The following ZNF438 variants were observed in gnomAD, a reference collection of about 807,000 sequenced individuals.
ZNF438 encodes zinc finger protein 438.
A neutral mutation model predicts 38.0 loss-of-function variants in ZNF438; 25 were observed. That is an observed-to-expected ratio of 0.66 (90% CI 0.48 to 0.92). The LOEUF is 0.92. Ranked by LOEUF, ZNF438 falls within the 40% of genes least tolerant of loss-of-function variation. The probability of loss-of-function intolerance (pLI) is 0.00; values close to 1 mark genes in which losing one functional copy is unlikely to be tolerated. For synonymous variants in ZNF438, 372 were observed against 364.1 expected, an observed-to-expected ratio of 1.02 and a Z score of -0.25; for missense variants, 1,007 against 999.6, an observed-to-expected ratio of 1.01 and a Z score of -0.10.
intron 4 of ZNF438, among the ~76,000 whole-genome samples, chr10:30,864,465 T>A (rs1310308126): frequency 6.6e-6 from 1 of 152,186 alleles, no homozygotes; most frequent in Non-Finnish European, 1.5e-5. Context: ...ATTTTCTTTT[T>A]CTGCTTCACT....
At chr10:30,980,834 T>C (rs1489382100) in intron 1 of ZNF438, among the ~76,000 whole-genome samples, 3 of 152,196 alleles carry the variant, frequency 2.0e-5, no homozygotes, top group Admixed American at 6.5e-5. Context: ...TTATGACTCT[T>C]CCTCAAAAAG....
chr10:30,929,485 G>A (rs2934646), intron 2 of ZNF438, among the ~76,000 whole-genome samples: 19,413 of 152,276 alleles, frequency 0.13, 1,629 homozygotes, highest in Middle Eastern at 0.24. Flanking sequence ...GCAGATCTTC[G>A]CGGTGATTGT....
chr10:30,954,844 A>T (rs144392853), intron 1 of ZNF438, among the ~76,000 whole-genome samples: 5 of 152,194 alleles, frequency 3.3e-5, no homozygotes, highest in African/African-American at 1.2e-4. Flanking sequence ...TCAAATTTCT[A>T]CAGGCAGAAA....
At chr10:30,854,814 C>T (rs2034338650) in intron 4 of ZNF438, among the ~76,000 whole-genome samples, 1 of 151,930 alleles carries the variant, frequency 6.6e-6, no homozygotes, top group Non-Finnish European at 1.5e-5. Flanking sequence ...GACAGAGGAA[C>T]AATAGAAAGG....
At chr10:30,846,611 T>A (rs1248792199) in intron 5 of ZNF438, among the ~76,000 whole-genome samples, 1 of 152,168 alleles carries the variant, frequency 6.6e-6, no homozygotes, top group Admixed American at 6.5e-5. Flanking sequence ...CCTTTCCAAG[T>A]TGACGGTGTG....
intron 1 of ZNF438, among the ~76,000 whole-genome samples, chr10:31,010,266 G>A (rs1399919828): frequency 6.6e-6 from 1 of 152,264 alleles, no homozygotes; most frequent in East Asian, 1.9e-4. Context: ...TGATGATTCA[G>A]AGACCAACCC....
intron 1 of ZNF438, among the ~76,000 whole-genome samples, chr10:30,983,440 G>A (rs980742809): frequency 2.0e-5 from 3 of 152,118 alleles, no homozygotes; most frequent in Non-Finnish European, 4.4e-5. Context: ...GAAGGGGGAG[G>A]TGTTACACAC....
intron 1 of ZNF438, among the ~76,000 whole-genome samples, chr10:30,947,842 C>G (rs2047623900): frequency 6.6e-6 from 1 of 152,242 alleles, no homozygotes; most frequent in Non-Finnish European, 1.5e-5. Context: ...TCCCTGACCC[C>G]TTGCGCTTCC....
At chr10:30,960,479 T>C (rs2049342659) in intron 1 of ZNF438, among the ~76,000 whole-genome samples, 1 of 147,216 alleles carries the variant, frequency 6.8e-6, no homozygotes, top group Non-Finnish European at 1.5e-5. Context: ...AATTTTTGTA[T>C]ATGATATCCA....
chr10:30,954,527 T>C (rs73252663), intron 1 of ZNF438, among the ~76,000 whole-genome samples: 1,861 of 152,316 alleles, frequency 0.012, 43 homozygotes, highest in African/African-American at 0.041. Context: ...GTTCTAAGAA[T>C]CTTAAGAGTA....
intron 1 of ZNF438, among the ~76,000 whole-genome samples, chr10:30,976,525 T>G (rs903681466): frequency 2.0e-5 from 3 of 152,152 alleles, no homozygotes; most frequent in Admixed American, 1.3e-4. Flanking sequence ...AAGGATCGCT[T>G]GAGGCCAGAA....
chr10:30,849,518 G>C, exon 5 of ZNF438: 1 of 1,614,208 alleles, frequency 6.2e-7, no homozygotes, highest in Non-Finnish European at 8.5e-7. Flanking sequence ...TCTTGAGTAG[G>C]GTGGGATTGG....
chr10:30,932,542 G>A (rs1467573125), intron 2 of ZNF438, among the ~76,000 whole-genome samples: 5 of 152,172 alleles, frequency 3.3e-5, no homozygotes, highest in African/African-American at 4.8e-5. Context: ...AGAGCACTGA[G>A]GCAGTGGGTA....
chr10:30,947,888 G>A (rs1263568151), intron 1 of ZNF438, among the ~76,000 whole-genome samples: 2 of 152,086 alleles, frequency 1.3e-5, no homozygotes, highest in Admixed American at 6.6e-5. Context: ...TTCGGCTCGC[G>A]CACCCACTGA....
At chr10:30,867,814 AG>A (rs1296499987) in intron 4 of ZNF438, among the ~76,000 whole-genome samples, 40 of 152,208 alleles carry the variant, frequency 2.6e-4, no homozygotes, top group Admixed American at 2.4e-3. Context: ...AAGTATTAAA[AG>A]GTAAGTCATC....
At chr10:30,938,311 CTT>C (rs989144409) in intron 2 of ZNF438, among the ~76,000 whole-genome samples, 1 of 149,416 alleles carries the variant, frequency 6.7e-6, no homozygotes, top group Non-Finnish European at 1.5e-5. Flanking sequence ...GAGTTTCTCT[CTT>C]GTTGCCCAGG....
At chr10:30,912,660 G>T (rs1308217404) in intron 2 of ZNF438, among the ~76,000 whole-genome samples, 1 of 152,114 alleles carries the variant, frequency 6.6e-6, no homozygotes, top group Non-Finnish European at 1.5e-5. Context: ...GAACTACGTA[G>T]ATTTAAATCC....
At chr10:30,865,706 G>T (rs1037855303) in intron 4 of ZNF438, among the ~76,000 whole-genome samples, 1 of 152,222 alleles carries the variant, frequency 6.6e-6, no homozygotes, top group Admixed American at 6.5e-5. Context: ...GCGGAAGGCT[G>T]GGGGAGGAGT....
chr10:30,891,485 T>C (rs2040683535), intron 3 of ZNF438, among the ~76,000 whole-genome samples: 1 of 152,198 alleles, frequency 6.6e-6, no homozygotes, highest in Non-Finnish European at 1.5e-5. Context: ...TTGATTTGTA[T>C]AGATTGCTTG....
Sources: gnomAD v4.1 joint callset for allele counts (sites outside exome capture counted in the v4.1 genomes callset) on GRCh38, gnomAD v4.1.1 for gene constraint, MANE v1.5 for transcripts, NCBI Gene and HGNC (gene_info 2026-07-23, HGNC 2026-07-21) for gene names.